The following UBQLN1 variants were observed in gnomAD, a reference collection of about 807,000 sequenced individuals.
UBQLN1 encodes the protein ubiquilin-1.
Under a neutral mutation model 65.4 loss-of-function variants are expected in UBQLN1, and 13 were observed. That is an observed-to-expected ratio of 0.20 (90% confidence interval 0.13 to 0.32). UBQLN1 has a LOEUF of 0.32. Among genes scored for constraint, UBQLN1 ranks in the 10% least tolerant of loss-of-function variants. UBQLN1 has a pLI of 1.00. For missense variants in UBQLN1, 561 were observed against 724.0 expected (o/e 0.77, Z 2.58); for synonymous variants, 267 against 247.8 (o/e 1.08, Z -0.73).
intron 4 of UBQLN1, 92 bp from the exon 5 acceptor site, chr9:83,678,691 GT>G (rs2131159308): frequency 7.9e-7 from 1 of 1,257,944 alleles, no homozygotes; most frequent in African/African-American, 1.5e-5. Flanking sequence ...ATTAAACAAA[GT>G]TTATGGGAGG....
At chr9:83,700,744 G>A (rs749551894) in intron 1 of UBQLN1, among the ~76,000 whole-genome samples, 1 of 152,170 alleles carries the variant, frequency 6.6e-6, no homozygotes, top group Non-Finnish European at 1.5e-5. Flanking sequence ...AGTATTAACA[G>A]GTCAGGGAAC....
At chr9:83,662,267 TAC>T (rs141475396) in intron 10 of UBQLN1, among the ~76,000 whole-genome samples, 37,373 of 128,700 alleles carry the variant, frequency 0.29, 6,718 homozygotes, top group East Asian at 0.61. Context: ...TATATACATA[TAC>T]ATATACACAC....
chr9:83,666,952 T>A (rs1296612479), intron 7 of UBQLN1: 1 of 152,226 alleles, frequency 6.6e-6, no homozygotes, highest in African/African-American at 2.4e-5. Context: ...TCCAAAAAAA[T>A]AACACCGCAA....
intron 6 of UBQLN1, among the ~76,000 whole-genome samples, chr9:83,673,097 G>A (rs923154053): frequency 6.6e-6 from 1 of 152,070 alleles, no homozygotes; most frequent in Admixed American, 6.6e-5. Context: ...GGGTGTGGTG[G>A]TACACACCTG....
Position 83,707,913 on chromosome 9 carries a change from G to A in UBQLN1, c.-234C>T, listed in dbSNP as rs770536613. 3.7e-6 allele frequency: 2 copies of A among 538,572 alleles called. No individual in the cohort carries two copies. Among genetic ancestry groups the A allele is most frequent in the Admixed American group, 4.2e-5 (1 of 23,848 alleles). 33.4% of individuals were successfully genotyped at this position (538,572 alleles called of 1,614,324 possible). ...GGCAGCCGCCGTGTGTTCAGGCGCC[G>A]CTCGCTCACACCGACATCCGCAGCA... On this transcript the variant is annotated 5_prime_UTR_variant, in exon 1 of 11. Transcript: ENST00000376395.
intron 6 of UBQLN1, among the ~76,000 whole-genome samples, chr9:83,675,862 T>C (rs942514202): frequency 6.6e-6 from 1 of 152,228 alleles, no homozygotes; most frequent in East Asian, 1.9e-4. Flanking sequence ...CAAAATGTTA[T>C]TCCCCCAAAG....
chr9:83,674,410 G>A (rs1313333820), intron 6 of UBQLN1, among the ~76,000 whole-genome samples: 3 of 152,082 alleles, frequency 2.0e-5, no homozygotes, highest in Admixed American at 1.3e-4. Flanking sequence ...AAAAGCAATG[G>A]TCAGAAGAAA....
Position 83,661,680 on chromosome 9 carries a change from A to G in UBQLN1, c.*107T>C, listed in dbSNP as rs1350499563. 5 of 1,277,672 alleles carry G rather than the reference A, an allele frequency of 3.9e-6. No homozygotes were observed. Among genetic ancestry groups the G allele is most frequent in the African/African-American group, 1.5e-5 (1 of 66,822 alleles). The allele number at this position is 1,277,672 out of a possible 1,614,324, so 79.1% of individuals were successfully genotyped here. On this transcript the variant is annotated 3_prime_UTR_variant, in exon 11 of 11. Transcript: ENST00000376395. ...AAAATGCATCATATTGGGTTTGTTT[A>G]TAACAGCACAGAATTCCAAGAGTCA...
Position 83,660,680 on chromosome 9 carries a change from C to A in UBQLN1, c.*1107G>T, listed in dbSNP as rs1212300599. The A allele has an allele frequency of 6.7e-6, 1 of 148,444 alleles. No individual in the cohort carries two copies. Among genetic ancestry groups the A allele is most frequent in the Non-Finnish European group, 1.5e-5 (1 of 67,204 alleles). 9.2% of individuals were successfully genotyped at this position (148,444 alleles called of 1,614,324 possible). ...CCGCTGCCCCACCCCCCCACCCCGT[C>A]CCCCTTTCTCTGAGGCTCTGAAAAG... On this transcript the variant is annotated 3_prime_UTR_variant, in exon 11 of 11. Transcript: ENST00000376395.
chr9:83,684,969 C>T (rs1832015138), intron 2 of UBQLN1, among the ~76,000 whole-genome samples: 2 of 152,108 alleles, frequency 1.3e-5, no homozygotes, highest in Non-Finnish European at 2.9e-5. Flanking sequence ...CTTACAATTG[C>T]TGACAGCCAG....
At chr9:83,669,134 G>T (rs759423809) in intron 7 of UBQLN1, 51 bp downstream of exon 7, 2 of 1,567,436 alleles carry the variant, frequency 1.3e-6, no homozygotes, top group East Asian at 2.3e-5. Context: ...ACAAGATTAG[G>T]TTATTTTAAT....
At chr9:83,699,746 G>T (rs958809065) in intron 1 of UBQLN1, among the ~76,000 whole-genome samples, 1 of 152,052 alleles carries the variant, frequency 6.6e-6, no homozygotes, top group Non-Finnish European at 1.5e-5. Context: ...ACCAGGGTAA[G>T]CAAACTTTCT....
At chr9:83,678,022 A>ATT in intron 5 of UBQLN1, 61 bp from the exon 6 acceptor site, 1 of 1,056,422 alleles carries the variant, frequency 9.5e-7, no homozygotes, top group East Asian at 2.7e-5. Context: ...AAGATATGAA[A>ATT]CTTTTTTTTT....
At position 83,707,709 on chromosome 9, in the gene UBQLN1, A is replaced by T. The variant is rs930498533; in HGVS notation, c.-30T>A. On this transcript the variant is annotated 5_prime_UTR_variant, in exon 1 of 11. Transcript: ENST00000376395. ...GTGGCGGCGGCGGCGGCGGTGACTCAGGCAAGCAGGAGGGAGCAGGCGAGC... is the reference window on the plus strand; with the variant it reads ...GTGGCGGCGGCGGCGGCGGTGACTCTGGCAAGCAGGAGGGAGCAGGCGAGC... The T allele has an allele frequency of 3.3e-6, 5 of 1,521,894 alleles. No individual in the cohort carries two copies. The African/African-American group carries it at 5.6e-5, about 17-fold the overall frequency. The allele number at this position is 1,521,894 out of a possible 1,614,324, so 94.3% of individuals were successfully genotyped here. A position where few individuals can be genotyped will look rare whatever the true frequency, so the allele number is the denominator to read the frequency against.
chr9:83,667,913 T>G, intron 7 of UBQLN1: 2 of 924,036 alleles, frequency 2.2e-6, no homozygotes, highest in Non-Finnish European at 2.5e-6. Flanking sequence ...TAGCAACATT[T>G]TGTTTTAGAG....
rs145849587 is a variant in UBQLN1, at chr9:83,668,863, A to G, written c.1248+322T>C. 35 of 235,382 alleles carry G rather than the reference A, an allele frequency of 1.5e-4. No homozygotes were observed. In the East Asian group the frequency reaches 4.6e-3, roughly 31 times the overall value. 14.6% of individuals were successfully genotyped at this position (235,382 alleles called of 1,614,324 possible). On this transcript the variant is annotated intron_variant, in intron 7 of 10. Coordinates refer to ENST00000376395, the MANE Select transcript of UBQLN1 (RefSeq NM_013438.5). The stretch of plus-strand genomic sequence containing the variant: ...GCTCTTAATTGCTTTCAAGATTTAC[A>G]TTTCATTAAGTAGTTTATCTTCAAA...
intron 6 of UBQLN1, among the ~76,000 whole-genome samples, chr9:83,672,778 C>T (rs1323691913): frequency 2.6e-5 from 4 of 152,220 alleles, no homozygotes; most frequent in Admixed American, 2.6e-4. Flanking sequence ...TTGCTCAATG[C>T]AGGGTCACTG....
At chr9:83,666,148 T>C (rs1318497011) in intron 8 of UBQLN1, among the ~76,000 whole-genome samples, 1 of 152,242 alleles carries the variant, frequency 6.6e-6, no homozygotes, top group African/African-American at 2.4e-5. Flanking sequence ...CCTCAGAATG[T>C]ATGTTTAAGA....
intron 7 of UBQLN1, chr9:83,666,653 T>C (rs1289684769): frequency 2.4e-6 from 1 of 423,146 alleles, no homozygotes; most frequent in Non-Finnish European, 4.2e-6. Flanking sequence ...ATGAGAATGG[T>C]GGTTATGATA....
Sources: allele counts gnomAD v4.1 joint callset (sites outside exome capture counted in the v4.1 genomes callset), GRCh38; gene constraint gnomAD v4.1.1; transcripts MANE v1.5; gene names NCBI Gene and HGNC (gene_info 2026-07-23, HGNC 2026-07-21).